The following OR2A2 variants were observed in gnomAD, a reference collection of about 807,000 sequenced individuals.
OR2A2 encodes the protein olfactory receptor family 2 subfamily A member 2.
For synonymous variants in OR2A2, 163 were observed against 154.8 expected, an observed-to-expected ratio of 1.05 and a Z score of -0.40; for missense variants, 380 against 384.8, an observed-to-expected ratio of 0.99 and a Z score of 0.10.
Position 144,110,440 on chromosome 7 carries a change from C to G in OR2A2, c.858C>G (p.Pro286=). The change falls in exon 1 of 1, where the codon CCC becomes CCG. Residue 286 remains proline, a synonymous_variant. Transcript: ENST00000408979. ...FHSVFNPMLN[P]LIYSLRNAQL... ...GTGTCTTTAATCCAATGCTGAACCC[C>G]CTGATCTACAGCCTGAGGAATGCTC... is the stretch of plus-strand genomic sequence containing the variant. 2 of 1,614,008 alleles carry G rather than the reference C, an allele frequency of 1.2e-6. No individual in the cohort carries two copies. Among genetic ancestry groups the G allele is most frequent in the South Asian group, 2.2e-5 (2 of 91,078 alleles).
In OR2A2 at chr7:144,110,369, T is replaced by G; in HGVS notation, c.787T>G (p.Ser263Ala). 5.0e-6 allele frequency: 8 copies of G among 1,614,060 alleles called. No homozygotes were observed. The highest frequency in any genetic ancestry group is 6.8e-6 in the Non-Finnish European group (8 of 1,179,966). ...IAMVVYMVPD[S>A]NQREEQEKML... ...CATGGTGGTTTACATGGTCCCAGAC[T>G]CTAATCAACGAGAGGAGCAGGAGAA... is the stretch of plus-strand genomic sequence containing the variant. Residue 263 changes from serine (S) to alanine (A), a missense_variant, in exon 1 of 1, where the codon TCT (serine) becomes GCT (alanine). Coordinates refer to ENST00000408979, the MANE Select transcript of OR2A2 (RefSeq NM_001005480.2).
chr7:144,110,047 C>T lies in OR2A2; in HGVS notation c.465C>T (p.Ser155=), dbSNP rs757623704. 6.2e-7 allele frequency: 1 copy of T among 1,613,820 alleles called. No homozygotes were observed. The highest frequency in any genetic ancestry group is 8.5e-7 in the Non-Finnish European group (1 of 1,179,816). ...CCTGGTCATGTGGGTTTGCCCTGTC[C>T]CTGGTACATGAAATTCTCCTTCTAA... ...LTSWSCGFAL[S]LVHEILLLRL... is the part of the protein sequence containing the mutation. Residue 155 remains serine, a synonymous_variant, in exon 1 of 1, where the codon TCC becomes TCT. Transcript: ENST00000408979.
Position 144,110,452 on chromosome 7 carries a change from C to T in OR2A2, c.870C>T (p.Ser290=). The part of the protein sequence containing the change: ...FNPMLNPLIY[S]LRNAQLKGAL... ...CAATGCTGAACCCCCTGATCTACAG[C>T]CTGAGGAATGCTCAGTTGAAGGGCG... Residue 290 remains serine (S), a synonymous_variant, in exon 1 of 1, where the codon AGC becomes AGT. Transcript: ENST00000408979. 1.2e-6 allele frequency: 2 copies of T among 1,614,038 alleles called. No homozygotes were observed. The highest frequency in any genetic ancestry group is 1.7e-6 in the Non-Finnish European group (2 of 1,179,902).
rs1467829984 is a variant in OR2A2 at position 144,110,397 on chromosome 7, T to C, written c.815T>C (p.Met272Thr). The C allele has an allele frequency of 1.2e-6, 2 of 1,613,936 alleles. No individual in the cohort carries two copies. Among genetic ancestry groups the C allele is most frequent in the East Asian group, 4.5e-5 (2 of 44,858 alleles). Residue 272 changes from methionine to threonine, a missense_variant, in exon 1 of 1, where the codon ATG (methionine) becomes ACG (threonine). Physicochemically the swap from Met to Thr is moderately conservative, Grantham distance 81. Transcript: ENST00000408979. ...AATCAACGAGAGGAGCAGGAGAAAA[T>C]GCTGTCCCTGTTTCACAGTGTCTTT... The part of the protein sequence containing the change: ...DSNQREEQEK[M>T]LSLFHSVFNP...
chr7:144,109,797 A>T lies in OR2A2; in HGVS notation c.215A>T (p.Tyr72Phe). 1.2e-6 allele frequency: 2 copies of T among 1,614,098 alleles called. No individual in the cohort carries two copies. Among genetic ancestry groups the T allele is most frequent in the Non-Finnish European group, 1.7e-6 (2 of 1,179,980 alleles). ...LSHLAIIDMSYASNNVPKMLA... is the reference protein window; with the variant it reads ...LSHLAIIDMSFASNNVPKMLA... ...CACCTGGCCATCATTGACATGTCCT[A>T]TGCTTCCAACAATGTTCCCAAGATG... The change falls in exon 1 of 1, where the codon TAT (tyrosine) becomes TTT (phenylalanine). Residue 72 changes from tyrosine to phenylalanine, a missense_variant. By Grantham distance (22) the Tyr-to-Phe change is conservative. Coordinates refer to ENST00000408979, the MANE Select transcript of OR2A2 (RefSeq NM_001005480.2).
chr7:144,109,747 C>T lies in OR2A2; in HGVS notation c.165C>T (p.His55=), dbSNP rs763154237. Residue 55 remains histidine (H), a synonymous_variant, in exon 1 of 1, where the codon CAC becomes CAT. Coordinates refer to ENST00000408979, the MANE Select transcript of OR2A2 (RefSeq NM_001005480.2). ...TTATCTGCCTGGACTCTAAGCTTCA[C>T]ACACCCATGTACTTCTTCCTCTCAC... The part of the protein sequence containing the change: ...FGIICLDSKL[H]TPMYFFLSHL... 3.1e-6 allele frequency: 5 copies of T among 1,614,004 alleles called. No homozygotes were observed. In the African/African-American group the frequency reaches 5.3e-5, roughly 17 times the overall value.
rs373368636 is a variant in OR2A2 at position 144,110,505 on chromosome 7, G to T, written c.923G>T (p.Arg308Met). Residue 308 changes from arginine (R) to methionine (M), a missense_variant, in exon 1 of 1, where the codon AGG becomes ATG. By Grantham distance (91) the Arg-to-Met change is moderately conservative (BLOSUM62 -1). Coordinates refer to ENST00000408979, the MANE Select transcript of OR2A2 (RefSeq NM_001005480.2). ...GALHRALQRK[R>M]SMRTVYGLCL is the part of the protein sequence containing the mutation. Reference sequence around the variant, plus strand: ...CTCCACAGAGCACTCCAGAGGAAGAGGTCCATGAGAACGGTGTATGGGCTT... The same window carrying T: ...CTCCACAGAGCACTCCAGAGGAAGATGTCCATGAGAACGGTGTATGGGCTT... The T allele has an allele frequency of 3.7e-6, 6 of 1,612,462 alleles. No homozygotes were observed. The highest frequency in any genetic ancestry group is 4.2e-6 in the Non-Finnish European group (5 of 1,178,848).
rs1563047606 is a variant in OR2A2 at position 144,109,842 on chromosome 7, A to G, written c.260A>G (p.Gln87Arg). Residue 87 changes from glutamine to arginine, a missense_variant, in exon 1 of 1, where the codon CAG becomes CGG. Transcript: ENST00000408979. ...AAGATGTTGGCAAACCTAATGAACC[A>G]GAAAAGAACCATCTCCTTTGTTCCA... ...VPKMLANLMNQKRTISFVPCI... is the reference protein window; with the variant it reads ...VPKMLANLMNRKRTISFVPCI... 2 of 1,614,174 alleles carry G rather than the reference A, an allele frequency of 1.2e-6. No homozygotes were observed. The highest frequency in any genetic ancestry group is 1.7e-6 in the Non-Finnish European group (2 of 1,180,002).
chr7:144,110,004 C>A lies in OR2A2; in HGVS notation c.422C>A (p.Thr141Lys). 6.2e-7 allele frequency: 1 copy of A among 1,613,964 alleles called. No homozygotes were observed. The highest frequency in any genetic ancestry group is 8.5e-7 in the Non-Finnish European group (1 of 1,179,948). The change falls in exon 1 of 1, where the codon ACG (threonine) becomes AAG (lysine). Residue 141 changes from threonine (T) to lysine (K), a missense_variant. Transcript: ENST00000408979. ...GTCATCATGAGCTGGAGAGTGTGCA[C>A]GATCCTGGTTCTCACGTCCTGGTCA... The part of the protein sequence containing the change: ...YTVIMSWRVC[T>K]ILVLTSWSCG...
chr7:144,110,439 C>T lies in OR2A2; in HGVS notation c.857C>T (p.Pro286Leu). 2 of 1,613,992 alleles carry T rather than the reference C, an allele frequency of 1.2e-6. No individual in the cohort carries two copies. The highest frequency in any genetic ancestry group is 8.5e-7 in the Non-Finnish European group (1 of 1,179,896). ...AGTGTCTTTAATCCAATGCTGAACC[C>T]CCTGATCTACAGCCTGAGGAATGCT... ...FHSVFNPMLN[P>L]LIYSLRNAQL... Residue 286 changes from proline to leucine, a missense_variant, in exon 1 of 1, where the codon CCC (proline) becomes CTC (leucine). Physicochemically the swap from Pro to Leu is moderately conservative, Grantham distance 98 (BLOSUM62 -3). Transcript: ENST00000408979.
rs1394977232 is a variant in OR2A2, at chr7:144,110,537, T to C, written c.955T>C (p.Ter319GlnextTer?). 6.5e-7 allele frequency: 1 copy of C among 1,545,002 alleles called. No homozygotes were observed. Among genetic ancestry groups the C allele is most frequent in the Non-Finnish European group, 8.8e-7 (1 of 1,136,118 alleles). ...SMRTVYGLCL[*>Q] ...GAGAACGGTGTATGGGCTTTGCCTT[T>C]AAAACATGTGGTTTGCTGAAGCAAG... is the stretch of plus-strand genomic sequence containing the variant. Residue 319 changes from the stop codon to glutamine (Q), a stop_lost, in exon 1 of 1, where the codon TAA (stop) becomes CAA (glutamine). Transcript: ENST00000408979.
rs748696307 is a variant in OR2A2, at chr7:144,110,074, G to A, written c.492G>A (p.Arg164=). 60 of 1,613,830 alleles carry A rather than the reference G, an allele frequency of 3.7e-5. No homozygotes were observed. The highest frequency in any genetic ancestry group is 4.9e-5 in the Non-Finnish European group (58 of 1,179,940). Residue 164 remains arginine (R), a synonymous_variant, in exon 1 of 1, where the codon AGG becomes AGA. Coordinates refer to ENST00000408979, the MANE Select transcript of OR2A2 (RefSeq NM_001005480.2). The part of the protein sequence containing the change: ...LSLVHEILLL[R]LPFCGPRDVN... The stretch of plus-strand genomic sequence containing the variant: ...TGGTACATGAAATTCTCCTTCTAAG[G>A]TTGCCCTTCTGTGGGCCCCGGGATG...
chr7:144,109,758 ACTT>A lies in OR2A2; in HGVS notation c.181_183del (p.Phe61del). ...GACTCTAAGCTTCACACACCCATGT[ACTT>A]CTTCCTCTCACACCTGGCCATCATT... On this transcript the variant is annotated inframe_deletion, in exon 1 of 1. Transcript: ENST00000408979. The A allele has an allele frequency of 6.2e-7, 1 of 1,614,128 alleles. No individual in the cohort carries two copies. The highest frequency in any genetic ancestry group is 8.5e-7 in the Non-Finnish European group (1 of 1,179,982).
chr7:144,109,959 GC>G lies in OR2A2; in HGVS notation c.379del (p.His127ThrfsTer9). ...VMSYDRYVAI[C>X]HPFQYTVIMS... ...TCCTATGATAGGTATGTGGCCATCT[GC>G]CACCCTTTCCAGTACACTGTCATCA... is the stretch of plus-strand genomic sequence containing the variant. On this transcript the variant is annotated frameshift_variant, in exon 1 of 1. Transcript: ENST00000408979. LOFTEE classifies it low-confidence loss of function (END_TRUNC). 6.2e-7 allele frequency: 1 copy of G among 1,613,970 alleles called. No individual in the cohort carries two copies. Among genetic ancestry groups the G allele is most frequent in the Non-Finnish European group, 8.5e-7 (1 of 1,179,890 alleles).
rs1312732941 is a variant in OR2A2 at position 144,110,075 on chromosome 7, T to C, written c.493T>C (p.Leu165=). The C allele has an allele frequency of 2.5e-6, 4 of 1,613,888 alleles. No individual in the cohort carries two copies. The highest frequency in any genetic ancestry group is 2.5e-6 in the Non-Finnish European group (3 of 1,179,942). ...SLVHEILLLR[L]PFCGPRDVNH... ...GGTACATGAAATTCTCCTTCTAAGG[T>C]TGCCCTTCTGTGGGCCCCGGGATGT... The change falls in exon 1 of 1, where the codon TTG becomes CTG. Residue 165 remains leucine, a synonymous_variant. Transcript: ENST00000408979.
In OR2A2 at chr7:144,109,998, T is replaced by C. The variant is rs969802116; in HGVS notation, c.416T>C (p.Val139Ala). 3.1e-6 allele frequency: 5 copies of C among 1,613,668 alleles called. No homozygotes were observed. Among genetic ancestry groups the C allele is most frequent in the African/African-American group, 2.7e-5 (2 of 74,816 alleles). Residue 139 changes from valine to alanine, a missense_variant, in exon 1 of 1, where the codon GTG (valine) becomes GCG (alanine). Val to Ala is a moderately conservative substitution (Grantham distance 64). Transcript: ENST00000408979. ...FQYTVIMSWR[V>A]CTILVLTSWS... Reference sequence around the variant, plus strand: ...TACACTGTCATCATGAGCTGGAGAGTGTGCACGATCCTGGTTCTCACGTCC... The same window carrying C: ...TACACTGTCATCATGAGCTGGAGAGCGTGCACGATCCTGGTTCTCACGTCC...
Position 144,110,183 on chromosome 7 carries a change from AC to A in OR2A2, c.603del (p.Cys202ValfsTer5). ...GGTTAACCAAGTGGTCATATTTGCTACCTGTGTGTTTGTCTTAGTCGGGCCT... is the reference window on the plus strand; with the variant it reads ...GGTTAACCAAGTGGTCATATTTGCTACTGTGTGTTTGTCTTAGTCGGGCCT... ...TWVNQVVIFA[T>X]CVFVLVGPLS... On this transcript the variant is annotated frameshift_variant, in exon 1 of 1. Transcript: ENST00000408979. LOFTEE classifies it low-confidence loss of function (END_TRUNC). The A allele has an allele frequency of 6.2e-7, 1 of 1,613,720 alleles. No individual in the cohort carries two copies. Among genetic ancestry groups the A allele is most frequent in the East Asian group, 2.2e-5 (1 of 44,870 alleles).
rs1044492415 is a variant in OR2A2, at chr7:144,110,441, C to T, written c.859C>T (p.Leu287=). 3.1e-6 allele frequency: 5 copies of T among 1,613,948 alleles called. No homozygotes were observed. In the African/African-American group the frequency reaches 6.7e-5, roughly 22 times the overall value. ...HSVFNPMLNP[L]IYSLRNAQLK... ...TGTCTTTAATCCAATGCTGAACCCC[C>T]TGATCTACAGCCTGAGGAATGCTCA... The change falls in exon 1 of 1, where the codon CTG becomes TTG. Residue 287 remains leucine (L), a synonymous_variant. Coordinates refer to ENST00000408979, the MANE Select transcript of OR2A2 (RefSeq NM_001005480.2).
Position 144,109,923 on chromosome 7 carries a change from TG to T in OR2A2, c.343del (p.Val115TrpfsTer2). 2.5e-6 allele frequency: 4 copies of T among 1,614,078 alleles called. No homozygotes were observed. The highest frequency in any genetic ancestry group is 3.4e-6 in the Non-Finnish European group (4 of 1,179,914). The stretch of plus-strand genomic sequence containing the variant: ...TTTGCTGTTACAGAGTGCCTGATTT[TG>T]GTGGTGATGTCCTATGATAGGTATG... ...LAFAVTECLI[L>X]VVMSYDRYVA... is the part of the protein sequence containing the mutation. On this transcript the variant is annotated frameshift_variant, in exon 1 of 1. Coordinates refer to ENST00000408979, the MANE Select transcript of OR2A2 (RefSeq NM_001005480.2). LOFTEE classifies it low-confidence loss of function (END_TRUNC).
Sources: gnomAD v4.1 joint callset for allele counts on GRCh38, gnomAD v4.1.1 for gene constraint, MANE v1.5 for transcripts, NCBI Gene and HGNC (gene_info 2026-07-23, HGNC 2026-07-21) for gene names.